The following MED17 variants were observed in gnomAD, a reference collection of about 807,000 sequenced individuals.
MED17 encodes mediator complex subunit 17.
Under a neutral mutation model 80.8 loss-of-function variants are expected in MED17, and 49 were observed. That is an observed-to-expected ratio of 0.61 (90% CI 0.48 to 0.77). The LOEUF (loss-of-function observed/expected upper bound fraction) is 0.77. MED17 is among the 30% of genes least tolerant of loss of function. The pLI, the probability that MED17 is intolerant of heterozygous loss-of-function variation, is 0.00. For synonymous variants in MED17, 281 were observed against 280.4 expected, an observed-to-expected ratio of 1.00 and a Z score of -0.02; for missense variants, 718 against 787.0, an observed-to-expected ratio of 0.91 and a Z score of 1.05.
Position 93,799,205 on chromosome 11 carries a change from G to A in MED17, c.1328+1486G>A, listed in dbSNP as rs1045099806. Among the ~76,000 whole-genome samples, 28 of 134,134 alleles carry A rather than the reference G, an allele frequency of 2.1e-4. No individual in the cohort carries two copies. The East Asian group carries it at 4.8e-3, about 23-fold the overall frequency. 88.0% of individuals were successfully genotyped at this position (134,134 alleles called of 152,430 possible). A position where few individuals can be genotyped will look rare whatever the true frequency, so the allele number is the denominator to read the frequency against. ...TTTTTTTTTTTTTTTTTTTTGAGAC[G>A]AAGTCTCACTGTGTCACCCAGGCTG... On this transcript the variant is annotated intron_variant, in intron 8 of 11. Transcript: ENST00000251871.
Position 93,790,807 on chromosome 11 carries a change from T to C in MED17, c.637+14T>C. 1 of 1,608,324 alleles carries C rather than the reference T, an allele frequency of 6.2e-7. No homozygotes were observed. The highest frequency in any genetic ancestry group is 2.2e-5 in the East Asian group (1 of 44,864). On this transcript the variant is annotated intron_variant, in intron 3 of 11. Coordinates refer to ENST00000251871, the MANE Select transcript of MED17 (RefSeq NM_004268.5). Reference sequence around the variant, plus strand: ...ACAGAAGTGCAGGTATGAATAATTATTAAAAACTATACTTTCTGGCCAGGT... The same window carrying C: ...ACAGAAGTGCAGGTATGAATAATTACTAAAAACTATACTTTCTGGCCAGGT...
At chr11:93,797,346 G>A (rs1349717872) in intron 7 of MED17, 189 bp from the exon 8 acceptor site, 9 of 599,416 alleles carry the variant, frequency 1.5e-5, no homozygotes, top group East Asian at 2.9e-5. Context: ...GCTTGAGAGC[G>A]ACCCTTCTCT....
chr11:93,807,638 A>G lies in MED17; in HGVS notation c.1584+3A>G, dbSNP rs1373452573. 1.3e-6 allele frequency: 2 copies of G among 1,548,830 alleles called. No homozygotes were observed. Among genetic ancestry groups the G allele is most frequent in the Non-Finnish European group, 1.8e-6 (2 of 1,120,760 alleles). On this transcript the variant is annotated splice_donor_region_variant and intron_variant, in intron 10 of 11. Coordinates refer to ENST00000251871, the MANE Select transcript of MED17 (RefSeq NM_004268.5). ...TACAGGATTTTCTTCTGTCTCAGGT[A>G]ACAGTTGCAGATTTTGTCTTAAGCC...
chr11:93,790,143 G>A (rs951566335), intron 2 of MED17: 1 of 261,374 alleles, frequency 3.8e-6, no homozygotes. Context: ...TAGGGTTTGT[G>A]GATATAGTGA....
At chr11:93,794,400 C>T in intron 5 of MED17, 1 of 269,974 alleles carries the variant, frequency 3.7e-6, no homozygotes, top group East Asian at 1.0e-4. Context: ...GATGGGGTTT[C>T]TCCATGTTGG....
chr11:93,791,082 T>C (rs971331941), intron 3 of MED17, among the ~76,000 whole-genome samples: 1 of 152,184 alleles, frequency 6.6e-6, no homozygotes, highest in African/African-American at 2.4e-5. Context: ...CTCTCCAGCA[T>C]GGGGGACAGA....
chr11:93,799,980 ATATTG>A (rs1565291952), intron 8 of MED17, among the ~76,000 whole-genome samples: 22 of 152,188 alleles, frequency 1.4e-4, no homozygotes. Flanking sequence ...CATTCATTTA[ATATTG>A]TATTGTAAAT....
chr11:93,802,168 T>G (rs1405254050), intron 9 of MED17, among the ~76,000 whole-genome samples, 196 bp downstream of exon 9: 2 of 152,096 alleles, frequency 1.3e-5, no homozygotes, highest in East Asian at 3.9e-4. Context: ...GCAGTGATGA[T>G]CATATCTGAC....
chr11:93,790,591 A>G lies in MED17; in HGVS notation c.435A>G (p.Gln145=), dbSNP rs759046789. The G allele has an allele frequency of 3.7e-6, 6 of 1,613,986 alleles. No individual in the cohort carries two copies. The highest frequency in any genetic ancestry group is 2.2e-5 in the South Asian group (2 of 91,066). Residue 145 remains glutamine (Q), a synonymous_variant, in exon 3 of 12, where the codon CAA becomes CAG. Coordinates refer to ENST00000251871, the MANE Select transcript of MED17 (RefSeq NM_004268.5). Reference sequence around the variant, plus strand: ...TTTGACAGAATCCTCAGACGTTGCAATTGATATCTAAAAAGAAGTCACTTG... The same window carrying G: ...TTTGACAGAATCCTCAGACGTTGCAGTTGATATCTAAAAAGAAGTCACTTG... The part of the protein sequence containing the change: ...LPPKQNPQTL[Q]LISKKKSLAG...
Position 93,811,964 on chromosome 11 carries a change from G to A in MED17, c.1856G>A (p.Arg619His), listed in dbSNP as rs1359862633. ...VLQDNKWSHL[R>H]GPFKEVQWNK... The stretch of plus-strand genomic sequence containing the variant: ...CAAGATAACAAATGGAGTCATCTTC[G>A]TGGGCCATTCAAAGAAGTTCAGTGG... Residue 619 changes from arginine (R) to histidine (H), a missense_variant, in exon 12 of 12, where the codon CGT becomes CAT. Transcript: ENST00000251871. 5.0e-6 allele frequency: 8 copies of A among 1,613,866 alleles called. No individual in the cohort carries two copies. The highest frequency in any genetic ancestry group is 1.3e-5 in the African/African-American group (1 of 74,878).
At chr11:93,793,603 T>C (rs1467116121) in intron 3 of MED17, 125 bp from the exon 4 acceptor site, 1 of 726,556 alleles carries the variant, frequency 1.4e-6, no homozygotes, top group Non-Finnish European at 2.3e-6. Context: ...CCAAAACATA[T>C]GTTTTTTAGT....
chr11:93,806,151 G>T (rs905671178), intron 9 of MED17: 2 of 151,670 alleles, frequency 1.3e-5, no homozygotes, highest in Non-Finnish European at 2.9e-5. Flanking sequence ...CCTAATTTTT[G>T]TATTTTTAGT....
At position 93,807,609 on chromosome 11, in the gene MED17, G is replaced by A; in HGVS notation, c.1558G>A (p.Glu520Lys). The A allele has an allele frequency of 6.2e-7, 1 of 1,611,188 alleles. No homozygotes were observed. The highest frequency in any genetic ancestry group is 8.5e-7 in the Non-Finnish European group (1 of 1,177,468). Reference sequence around the variant, plus strand: ...AATTACACTGTCTTATCAGGAGCAGGAGCTACAGGATTTTCTTCTGTCTCA... The same window carrying A: ...AATTACACTGTCTTATCAGGAGCAGAAGCTACAGGATTTTCTTCTGTCTCA... The part of the protein sequence containing the change: ...RVITLSYQEQ[E>K]LQDFLLSQMS... Residue 520 changes from glutamate (E) to lysine (K), a missense_variant, in exon 10 of 12, where the codon GAG (glutamate) becomes AAG (lysine). Coordinates refer to ENST00000251871, the MANE Select transcript of MED17 (RefSeq NM_004268.5).
chr11:93,787,874 A>G (rs575716639), intron 1 of MED17, 127 bp from the exon 2 acceptor site: 31 of 844,290 alleles, frequency 3.7e-5, no homozygotes, highest in East Asian at 3.4e-4. Context: ...GATGGCATAA[A>G]TAAGAGAACA....
chr11:93,804,835 G>A (rs961668621), intron 9 of MED17, among the ~76,000 whole-genome samples: 1 of 152,150 alleles, frequency 6.6e-6, no homozygotes, highest in South Asian at 2.1e-4. Context: ...TAATTTACGT[G>A]ATTTTTAAAC....
chr11:93,792,754 C>T (rs1302604992), intron 3 of MED17, among the ~76,000 whole-genome samples: 3 of 152,004 alleles, frequency 2.0e-5, no homozygotes, highest in Non-Finnish European at 1.5e-5. Flanking sequence ...CCAGACTGAA[C>T]AACATAGACC....
At position 93,812,193 on chromosome 11, in the gene MED17, GTTTA is replaced by G; in HGVS notation, c.*134_*137del. ...TTTTTAAAAATAATAATTAGGAAAT[GTTTA>G]TTTAGCACTTTCAAACTTTTCACTT... On this transcript the variant is annotated 3_prime_UTR_variant, in exon 12 of 12. Coordinates refer to ENST00000251871, the MANE Select transcript of MED17 (RefSeq NM_004268.5). 3.7e-6 allele frequency: 3 copies of G among 821,494 alleles called. No homozygotes were observed. Among genetic ancestry groups the G allele is most frequent in the Admixed American group, 2.3e-5 (1 of 43,432 alleles). The allele number at this position is 821,494 out of a possible 1,614,324, so 50.9% of individuals were successfully genotyped here.
intron 6 of MED17, 68 bp from the exon 7 acceptor site, chr11:93,796,342 A>G: frequency 7.4e-7 from 1 of 1,350,170 alleles, no homozygotes. Context: ...ATTATACTTT[A>G]TGAAGACAGT....
In MED17 at chr11:93,784,798, C is replaced by T. The variant is rs189773832; in HGVS notation, c.250+35C>T. ...GCATCCGCTGCCCGAGTCCCCCGGT[C>T]TGGGTCCCAGCACCCGCGCGGGCCT... On this transcript the variant is annotated intron_variant, in intron 1 of 11. Coordinates refer to ENST00000251871, the MANE Select transcript of MED17 (RefSeq NM_004268.5). 4,567 of 1,533,590 alleles carry T rather than the reference C, an allele frequency of 3.0e-3. 13 individuals are homozygous for T. The highest frequency in any genetic ancestry group is 4.4e-3 in the South Asian group (371 of 83,878). The allele number at this position is 1,533,590 out of a possible 1,614,324, so 95.0% of individuals were successfully genotyped here. A position where few individuals can be genotyped will look rare whatever the true frequency, so the allele number is the denominator to read the frequency against.
Sources: gnomAD v4.1 joint callset for allele counts (sites outside exome capture counted in the v4.1 genomes callset) on GRCh38, gnomAD v4.1.1 for gene constraint, MANE v1.5 for transcripts, NCBI Gene and HGNC (gene_info 2026-07-23, HGNC 2026-07-21) for gene names.